The following TPST1 variants were observed in gnomAD, a reference collection of about 807,000 sequenced individuals.
TPST1 encodes the protein protein-tyrosine sulfotransferase 1.
A neutral mutation model predicts 34.8 loss-of-function variants in TPST1; 20 were observed. That is an observed-to-expected ratio of 0.57 (90% CI 0.40 to 0.84). The LOEUF (loss-of-function observed/expected upper bound fraction) is 0.84, where lower values mean the gene tolerates loss of function less well. TPST1 is among the 40% of genes least tolerant of loss of function. The pLI, the probability that TPST1 is intolerant of heterozygous loss-of-function variation, is 0.00. For missense variants in TPST1, 353 were observed against 455.5 expected, an observed-to-expected ratio of 0.78 and a Z score of 2.05; for synonymous variants, 152 against 159.4, an observed-to-expected ratio of 0.95 and a Z score of 0.35.
At chr7:66,312,172 A>G (rs1019203513) in intron 3 of TPST1, among the ~76,000 whole-genome samples, 3 of 152,230 alleles carry the variant, frequency 2.0e-5, no homozygotes, top group Non-Finnish European at 4.4e-5. Flanking sequence ...CTGAAGGTCT[A>G]TGGGAAATTC....
At chr7:66,296,118 T>C (rs1791186252) in intron 3 of TPST1, among the ~76,000 whole-genome samples, 1 of 152,184 alleles carries the variant, frequency 6.6e-6, no homozygotes, top group Admixed American at 6.5e-5. Context: ...TATCCTTTGC[T>C]TTCTTGAGTG....
chr7:66,303,832 T>C (rs931726259), intron 3 of TPST1, among the ~76,000 whole-genome samples: 1 of 152,308 alleles, frequency 6.6e-6, no homozygotes, highest in East Asian at 1.9e-4. Context: ...AATAAAATGA[T>C]TCTTATTAGC....
At chr7:66,347,068 T>TTTC (rs1007816635) in intron 3 of TPST1, among the ~76,000 whole-genome samples, 1 of 113,580 alleles carries the variant, frequency 8.8e-6, no homozygotes, top group Non-Finnish European at 1.8e-5. Context: ...TCTTTTTTTT[T>TTTC]TTTTTTTTTT....
intron 3 of TPST1, among the ~76,000 whole-genome samples, chr7:66,300,791 C>A (rs922439262): frequency 5.9e-5 from 9 of 151,932 alleles, no homozygotes; most frequent in Non-Finnish European, 1.0e-4. Flanking sequence ...ACTAAAAATA[C>A]AAAAATTAGC....
chr7:66,316,817 C>T (rs1791641593), intron 3 of TPST1, among the ~76,000 whole-genome samples: 2 of 152,062 alleles, frequency 1.3e-5, no homozygotes, highest in Admixed American at 1.3e-4. Flanking sequence ...TCATTTTTCA[C>T]AGGAACAGAA....
chr7:66,229,924 A>T (rs1258627270), intron 1 of TPST1, among the ~76,000 whole-genome samples: 1 of 152,130 alleles, frequency 6.6e-6, no homozygotes, highest in Non-Finnish European at 1.5e-5. Context: ...AAGAAACCCC[A>T]TACTCATTAC....
At chr7:66,230,388 G>A (rs1034355937) in intron 1 of TPST1, among the ~76,000 whole-genome samples, 1 of 152,208 alleles carries the variant, frequency 6.6e-6, no homozygotes. Flanking sequence ...ATGAAGCCGC[G>A]GACCCTCGCG....
rs1368969124 is a variant in TPST1 at position 66,249,750 on chromosome 7, A to C, written c.845+8480A>C. Among the ~76,000 whole-genome samples, 3 of 152,322 alleles carry C rather than the reference A, an allele frequency of 2.0e-5. No individual in the cohort carries two copies. In the East Asian group the frequency reaches 5.8e-4, roughly 29 times the overall value. ...CAGCCACACTGAAATAATTGTAGCT[A>C]CAATTATTGCCACACCATTTATTTA... is the stretch of plus-strand genomic sequence containing the variant. On this transcript the variant is annotated intron_variant, in intron 2 of 5. Transcript: ENST00000304842.
chr7:66,253,620 C>G (rs540525276), intron 2 of TPST1, among the ~76,000 whole-genome samples: 153 of 151,764 alleles, frequency 1.0e-3, no homozygotes, highest in African/African-American at 3.5e-3. Flanking sequence ...ATCCGCCCAC[C>G]CTGGCCTCCC....
intron 3 of TPST1, among the ~76,000 whole-genome samples, chr7:66,296,676 GTTTT>G (rs55888171): frequency 1.1e-5 from 1 of 92,130 alleles, no homozygotes; most frequent in African/African-American, 4.4e-5. Flanking sequence ...TACTGGGTTG[GTTTT>G]TTTTTTTTTT....
At chr7:66,321,126 G>A (rs901876516) in intron 3 of TPST1, among the ~76,000 whole-genome samples, 3 of 152,198 alleles carry the variant, frequency 2.0e-5, no homozygotes, top group Admixed American at 6.5e-5. Context: ...AAAAGGATAT[G>A]AAGTAAAAGT....
At chr7:66,212,649 G>A (rs1290614878) in intron 1 of TPST1, among the ~76,000 whole-genome samples, 2 of 151,740 alleles carry the variant, frequency 1.3e-5, no homozygotes, top group Non-Finnish European at 2.9e-5. Flanking sequence ...TAGTAGAGAC[G>A]GGGTTTCACC....
In TPST1 at chr7:66,289,198, G is replaced by GTT. The variant is rs1377116761; in HGVS notation, c.1044+2489_1044+2490insTT. Among the ~76,000 whole-genome samples the GTT allele has an allele frequency of 2.1e-4, 12 of 58,508 alleles. 2 individuals are homozygous for GTT. In the South Asian group the frequency reaches 5.5e-3, roughly 27 times the overall value. 38.4% of individuals were successfully genotyped at this position (58,508 alleles called of 152,430 possible). On this transcript the variant is annotated intron_variant, in intron 3 of 5. Coordinates refer to ENST00000304842, the MANE Select transcript of TPST1 (RefSeq NM_003596.4). ...TATTGAACCAGCCTTGCATCCCAGGGATGAAGCCCACCTGATCATGGTGGA... is the reference window on the plus strand; with the variant it reads ...TATTGAACCAGCCTTGCATCCCAGGGTTATGAAGCCCACCTGATCATGGTGGA...
At chr7:66,304,312 G>A (rs538470673) in intron 3 of TPST1, among the ~76,000 whole-genome samples, 1 of 152,282 alleles carries the variant, frequency 6.6e-6, no homozygotes, top group East Asian at 1.9e-4. Context: ...CTCAGTGTGG[G>A]ATCCCAAGGA....
At chr7:66,235,479 A>G (rs1013247219) in intron 1 of TPST1, among the ~76,000 whole-genome samples, 2 of 152,210 alleles carry the variant, frequency 1.3e-5, no homozygotes, top group African/African-American at 4.8e-5. Flanking sequence ...TGAATGATTA[A>G]AAGAGTATAC....
At chr7:66,338,251 A>G (rs751906665) in intron 3 of TPST1, among the ~76,000 whole-genome samples, 3 of 152,222 alleles carry the variant, frequency 2.0e-5, no homozygotes, top group Non-Finnish European at 4.4e-5. Flanking sequence ...GCCATTATAT[A>G]ACGACAAAGG....
At position 66,337,638 on chromosome 7, in the gene TPST1, C is replaced by T. The variant is rs202170591; in HGVS notation, c.1045-14867C>T. On this transcript the variant is annotated intron_variant, in intron 3 of 5. Transcript: ENST00000304842. ...AAACTATTAAAAACAGTAACTACAA[C>T]GGTTATTTAGGAGACAGACAATTGT... Among the ~76,000 whole-genome samples the T allele has an allele frequency of 1.1e-4, 16 of 152,096 alleles. No homozygotes were observed. In the East Asian group the frequency reaches 2.7e-3, roughly 26 times the overall value.
intron 3 of TPST1, among the ~76,000 whole-genome samples, chr7:66,326,567 A>G (rs1791870975): frequency 6.6e-6 from 1 of 152,212 alleles, no homozygotes; most frequent in Non-Finnish European, 1.5e-5. Context: ...GTCAAATAAT[A>G]TGATTTCCTA....
chr7:66,352,468 C>T (rs769213435), intron 3 of TPST1, 37 bp from the exon 4 acceptor site: 1 of 1,606,332 alleles, frequency 6.2e-7, no homozygotes, highest in Admixed American at 1.8e-5. Flanking sequence ...GGGACTGGAC[C>T]TGTTGCCTTA....
Sources: allele counts gnomAD v4.1 joint callset (sites outside exome capture counted in the v4.1 genomes callset), GRCh38; gene constraint gnomAD v4.1.1; transcripts MANE v1.5; gene names NCBI Gene and HGNC (gene_info 2026-07-23, HGNC 2026-07-21).